The following RNF38 variants were observed in gnomAD, a reference collection of about 807,000 sequenced individuals.
The protein encoded by RNF38 is ring finger protein 38, also known as E3 ubiquitin-protein ligase RNF38.
In RNF38, 15 loss-of-function variants were observed where a neutral mutation model predicts 67.2. That is an observed-to-expected ratio of 0.22 (90% confidence interval 0.15 to 0.34). The LOEUF is 0.34. RNF38 is among the 10% of genes least tolerant of loss of function. The pLI, the probability that RNF38 is intolerant of heterozygous loss-of-function variation, is 1.00. For missense variants in RNF38, 524 were observed against 639.9 expected, an observed-to-expected ratio of 0.82 and a Z score of 1.95; for synonymous variants, 220 against 218.8, an observed-to-expected ratio of 1.01 and a Z score of -0.05.
chr9:36,474,172 G>C (rs1260272120), intron 1 of RNF38, among the ~76,000 whole-genome samples: 1 of 151,482 alleles, frequency 6.6e-6, no homozygotes, highest in Non-Finnish European at 1.5e-5. Context: ...AATTAGCCGG[G>C]CGTGGTGGCG....
intron 1 of RNF38, 65 bp from the exon 2 acceptor site, chr9:36,390,681 A>C: frequency 2.7e-6 from 4 of 1,497,768 alleles, no homozygotes; most frequent in Non-Finnish European, 3.7e-6. Flanking sequence ...AATCACGCCT[A>C]TGAAGGATAG....
At chr9:36,363,873 ATTTTT>A (rs558655028) in intron 4 of RNF38, among the ~76,000 whole-genome samples, 4 of 76,304 alleles carry the variant, frequency 5.2e-5, no homozygotes, top group African/African-American at 1.5e-4. Flanking sequence ...TTATATGCAG[ATTTTT>A]TTTTTTTTTT....
chr9:36,370,485 C>T (rs951359397), intron 3 of RNF38, among the ~76,000 whole-genome samples: 1 of 151,940 alleles, frequency 6.6e-6, no homozygotes, highest in Admixed American at 6.6e-5. Context: ...TGGGTAAACA[C>T]GCGATGAATA....
rs35428713 is a variant in RNF38, at chr9:36,436,818, C to CAA, written n.242-12137_242-12136dup. The stretch of plus-strand genomic sequence containing the variant: ...GCACGGGCGACAGAGCGAGACTCCT[C>CAA]AAAAAAAAAAAAAAAAAAAAAGAAT... On this transcript the variant is annotated intron_variant and non_coding_transcript_variant, in intron 1 of 3. Coordinates refer to the RNF38 transcript ENST00000488058. 1.3e-3 allele frequency among the ~76,000 whole-genome samples: 104 copies of CAA among 80,276 alleles called. 1 individual carries two copies. The East Asian group carries it at 0.027, about 21-fold the overall frequency. 52.7% of individuals were successfully genotyped at this position (80,276 alleles called of 152,430 possible).
Position 36,339,753 on chromosome 9 carries a change from C to A in RNF38, c.1547G>T (p.Ter516LeuextTer3). 6.2e-7 allele frequency: 1 copy of A among 1,612,484 alleles called. No homozygotes were observed. The highest frequency in any genetic ancestry group is 1.1e-5 in the South Asian group (1 of 90,738). Residue 516 changes from the stop codon to leucine (L), a stop_lost, in exon 12 of 12, where the codon TGA becomes TTA. Transcript: ENST00000259605. ...CTAAATTTGTGCTTCTTAGGTTGGT[C>A]ATTCTGAATCCCGATGCACTTCTGA... ...DASEVHRDSE[*>L]
chr9:36,369,704 ATT>A lies in RNF38; in HGVS notation c.570+13_570+14del. The A allele has an allele frequency of 6.5e-7, 1 of 1,547,144 alleles. No individual in the cohort carries two copies. Among genetic ancestry groups the A allele is most frequent in the Middle Eastern group, 1.8e-4 (1 of 5,714 alleles). Reference sequence around the variant, plus strand: ...ATTTCAGCTTCTGTATTTCCAAGACATTCTGTTATTGTACCTGATCATGTATG... The same window carrying A: ...ATTTCAGCTTCTGTATTTCCAAGACACTGTTATTGTACCTGATCATGTATG... On this transcript the variant is annotated intron_variant, in intron 4 of 11. Coordinates refer to ENST00000259605, the MANE Select transcript of RNF38 (RefSeq NM_022781.5).
intron 1 of RNF38, among the ~76,000 whole-genome samples, chr9:36,457,998 G>A (rs1017379226): frequency 1.3e-5 from 2 of 152,196 alleles, no homozygotes; most frequent in African/African-American, 4.8e-5. Flanking sequence ...ATGCCAAAAA[G>A]GTTCAGAATC....
chr9:36,482,070 T>C lies in RNF38; in HGVS notation n.241+5238A>G, dbSNP rs1335792272. 3.7e-4 allele frequency among the ~76,000 whole-genome samples: 50 copies of C among 134,944 alleles called. 1 individual carries two copies. In the East Asian group the frequency reaches 9.7e-3, roughly 26 times the overall value. The allele number at this position is 134,944 out of a possible 152,430, so 88.5% of individuals were successfully genotyped here. On this transcript the variant is annotated intron_variant and non_coding_transcript_variant, in intron 1 of 3. Transcript: ENST00000488058. ...TGTCTTTTTTTTTTTTTTTTTTTTTTGAGACGAAGTTTCGCTCTTGTTGCC... is the reference window on the plus strand; with the variant it reads ...TGTCTTTTTTTTTTTTTTTTTTTTTCGAGACGAAGTTTCGCTCTTGTTGCC...
chr9:36,464,136 C>A (rs1271472185), intron 1 of RNF38, among the ~76,000 whole-genome samples: 2 of 151,828 alleles, frequency 1.3e-5, no homozygotes, highest in African/African-American at 2.4e-5. Context: ...TGCACTCCAG[C>A]CTGGGCGACA....
At chr9:36,435,659 C>G (rs940860073) in intron 1 of RNF38, among the ~76,000 whole-genome samples, 3 of 146,940 alleles carry the variant, frequency 2.0e-5, no homozygotes, top group Non-Finnish European at 4.5e-5. Context: ...CTCGCTCTGT[C>G]GCCCAGGCTG....
At chr9:36,457,780 C>G (rs1267064274) in intron 1 of RNF38, among the ~76,000 whole-genome samples, 1 of 151,706 alleles carries the variant, frequency 6.6e-6, no homozygotes, top group Non-Finnish European at 1.5e-5. Flanking sequence ...TGGTGGTGGG[C>G]ACCTGTGAGC....
At position 36,428,500 on chromosome 9, in the gene RNF38, C is replaced by G. The variant is rs140755349; in HGVS notation, n.242-3817G>C. Among the ~76,000 whole-genome samples the G allele has an allele frequency of 2.2e-3, 341 of 151,588 alleles. 1 individual carries two copies. The highest frequency in any genetic ancestry group is 3.4e-3 in the Non-Finnish European group (231 of 67,958). The stretch of plus-strand genomic sequence containing the variant: ...ACACGTATAAATTCAATTTCCCCTG[C>G]TGGACCACGACCACATGTTTTTAGA... On this transcript the variant is annotated intron_variant and non_coding_transcript_variant, in intron 1 of 3. Transcript: ENST00000488058.
chr9:36,383,442 A>G (rs1254546455), intron 2 of RNF38, among the ~76,000 whole-genome samples: 1 of 152,142 alleles, frequency 6.6e-6, no homozygotes, highest in Non-Finnish European at 1.5e-5. Flanking sequence ...CGCCCACTTC[A>G]GCCTCCCAAA....
chr9:36,438,459 T>A (rs1839120419), intron 1 of RNF38, among the ~76,000 whole-genome samples: 1 of 152,012 alleles, frequency 6.6e-6, no homozygotes, highest in Non-Finnish European at 1.5e-5. Context: ...TGTTAGTGTA[T>A]TTTATGTGTG....
intron 1 of RNF38, among the ~76,000 whole-genome samples, chr9:36,437,613 G>A (rs1229881218): frequency 6.6e-6 from 1 of 151,780 alleles, no homozygotes; most frequent in East Asian, 1.9e-4. Context: ...CTGACAGGCT[G>A]AGCTAGGTGC....
chr9:36,400,852 G>GCCCCGT (rs1380257268), upstream of RNF38: 26 of 983,646 alleles, frequency 2.6e-5, no homozygotes, highest in Non-Finnish European at 2.9e-5. Flanking sequence ...CCGGGCCTCG[G>GCCCCGT]CCCCGTCCCG....
chr9:36,384,002 C>T (rs1475126861), intron 2 of RNF38, among the ~76,000 whole-genome samples: 10 of 152,068 alleles, frequency 6.6e-5, no homozygotes, highest in Admixed American at 5.9e-4. Flanking sequence ...TTTCCTAAGT[C>T]TAAGGAGGCC....
chr9:36,440,508 G>C (rs956318500), intron 1 of RNF38, among the ~76,000 whole-genome samples: 35 of 151,300 alleles, frequency 2.3e-4, no homozygotes, highest in African/African-American at 8.5e-4. Flanking sequence ...TCCAGCCTGG[G>C]CAACAAGAGC....
intron 3 of RNF38, among the ~76,000 whole-genome samples, chr9:36,373,386 G>A (rs1344731433): frequency 1.3e-5 from 2 of 152,058 alleles, no homozygotes; most frequent in Non-Finnish European, 2.9e-5. Context: ...ACATTTAAAG[G>A]AGAACAGGCA....
Sources: gnomAD v4.1 joint callset for allele counts (sites outside exome capture counted in the v4.1 genomes callset) on GRCh38, gnomAD v4.1.1 for gene constraint, MANE v1.5 for transcripts, NCBI Gene and HGNC (gene_info 2026-07-23, HGNC 2026-07-21) for gene names.